The following FBXL7 variants were observed in gnomAD, a reference collection of about 807,000 sequenced individuals.
FBXL7 encodes the protein F-box and leucine rich repeat protein 7.
In FBXL7, 12 loss-of-function variants were observed where a neutral mutation model predicts 38.3. That is an observed-to-expected ratio of 0.31 (90% CI 0.20 to 0.51). The LOEUF (loss-of-function observed/expected upper bound fraction) is 0.51. Ranked by LOEUF, FBXL7 falls within the 20% of genes least tolerant of loss-of-function variation. The pLI, the probability that FBXL7 is intolerant of heterozygous loss-of-function variation, is 0.98. For synonymous variants in FBXL7, 297 were observed against 300.9 expected (o/e 0.99, Z 0.13); for missense variants, 567 against 676.4 (o/e 0.84, Z 1.79).
chr5:15,730,879 T>A (rs1687007424), intron 2 of FBXL7, among the ~76,000 whole-genome samples: 1 of 152,234 alleles, frequency 6.6e-6, no homozygotes, highest in South Asian at 2.1e-4. Flanking sequence ...TAACACCCCA[T>A]AACCTTTAGT....
chr5:15,787,159 G>A (rs1737153056), intron 2 of FBXL7, among the ~76,000 whole-genome samples: 3 of 152,220 alleles, frequency 2.0e-5, no homozygotes, highest in Non-Finnish European at 4.4e-5. Context: ...CCCGGAAACT[G>A]TGAGAGAGTA....
chr5:15,794,849 C>A (rs908742118), intron 2 of FBXL7, among the ~76,000 whole-genome samples: 41 of 152,238 alleles, frequency 2.7e-4, no homozygotes, highest in African/African-American at 9.9e-4. Flanking sequence ...GCGAAAAAAA[C>A]AACACAAAAG....
At chr5:15,810,231 G>C (rs1737822968) in intron 2 of FBXL7, among the ~76,000 whole-genome samples, 1 of 151,852 alleles carries the variant, frequency 6.6e-6, no homozygotes, top group African/African-American at 2.4e-5. Context: ...ATAAACATGT[G>C]CCATTGAATA....
chr5:15,819,104 C>T (rs75545547), intron 2 of FBXL7, among the ~76,000 whole-genome samples: 2 of 152,240 alleles, frequency 1.3e-5, no homozygotes, highest in African/African-American at 2.4e-5. Context: ...CTGCAAAGAA[C>T]CAAATAGTAA....
Position 15,928,539 on chromosome 5 carries a change from G to A in FBXL7, c.739+38G>A. On this transcript the variant is annotated intron_variant, in intron 3 of 3. Coordinates refer to ENST00000504595, the MANE Select transcript of FBXL7 (RefSeq NM_012304.5). The surrounding 1 kb of genome is among the most constrained non-coding windows in gnomAD (Gnocchi z 4.0). ...TGACCTACCAGCTATGGGCCCTCCT[G>A]GTGCACCATCCTAAAACAGTGGGGA... 6.3e-7 allele frequency: 1 copy of A among 1,575,386 alleles called. No homozygotes were observed. Among genetic ancestry groups the A allele is most frequent in the Non-Finnish European group, 8.6e-7 (1 of 1,159,708 alleles).
At position 15,852,126 on chromosome 5, in the gene FBXL7, C is replaced by G. The variant is rs541412749; in HGVS notation, c.128-75764C>G. Among the ~76,000 whole-genome samples the G allele has an allele frequency of 9.2e-5, 14 of 152,126 alleles. 1 individual carries two copies. Among genetic ancestry groups the G allele is most frequent in the African/African-American group, 3.4e-4 (14 of 41,512 alleles). ...TCCTTCAGTACATGCTAGATCATAG[C>G]TGACTTGCACTATCCTTCCAAACTT... On this transcript the variant is annotated intron_variant, in intron 2 of 3. Coordinates refer to ENST00000504595, the MANE Select transcript of FBXL7 (RefSeq NM_012304.5).
chr5:15,782,837 A>C (rs1044696369), intron 2 of FBXL7, among the ~76,000 whole-genome samples: 1 of 152,142 alleles, frequency 6.6e-6, no homozygotes, highest in Non-Finnish European at 1.5e-5. Context: ...GGGTGGCCAA[A>C]GGGTGGGAGA....
At chr5:15,888,812 A>C (rs1740788182) in intron 2 of FBXL7, among the ~76,000 whole-genome samples, 1 of 152,168 alleles carries the variant, frequency 6.6e-6, no homozygotes. Flanking sequence ...CCTGATAATA[A>C]ATTTGGTGAA....
At chr5:15,555,485 T>C (rs1036942748) in intron 1 of FBXL7, among the ~76,000 whole-genome samples, 6 of 152,178 alleles carry the variant, frequency 3.9e-5, no homozygotes, top group African/African-American at 2.4e-5. Flanking sequence ...TTACCCGGCA[T>C]CCTGGGTTGG....
At chr5:15,912,622 C>T (rs1438401369) in intron 2 of FBXL7, among the ~76,000 whole-genome samples, 1 of 152,000 alleles carries the variant, frequency 6.6e-6, no homozygotes, top group African/African-American at 2.4e-5. Context: ...ATTTCCAAAA[C>T]ATTATTATTA....
chr5:15,850,696 G>A (rs949142702), intron 2 of FBXL7, among the ~76,000 whole-genome samples: 6 of 152,142 alleles, frequency 3.9e-5, no homozygotes, highest in African/African-American at 7.2e-5. Flanking sequence ...AATGTTGTCC[G>A]GACATGTTCC....
chr5:15,914,223 A>G (rs1362561772), intron 2 of FBXL7, among the ~76,000 whole-genome samples: 1 of 152,020 alleles, frequency 6.6e-6, no homozygotes, highest in Admixed American at 6.6e-5. Flanking sequence ...TGTCTCTACT[A>G]AACATACAAA....
chr5:15,612,495 G>A (rs902401130), intron 1 of FBXL7, among the ~76,000 whole-genome samples: 1 of 152,116 alleles, frequency 6.6e-6, no homozygotes, highest in South Asian at 2.1e-4. Flanking sequence ...GTCCTCACGT[G>A]TGTCTGAGAA....
chr5:15,678,083 T>G (rs1211226268), intron 2 of FBXL7, among the ~76,000 whole-genome samples: 1 of 152,154 alleles, frequency 6.6e-6, no homozygotes, highest in East Asian at 1.9e-4. Flanking sequence ...CTTTGCTGCC[T>G]CTGCTGAGGG....
At chr5:15,664,564 C>G (rs12055198) in intron 2 of FBXL7, among the ~76,000 whole-genome samples, 46,620 of 149,580 alleles carry the variant, frequency 0.31, 7,488 homozygotes, top group East Asian at 0.44. Context: ...CTCCGCCTCC[C>G]GGGTTCAAGT....
At chr5:15,715,506 A>AC (rs1446197146) in intron 2 of FBXL7, among the ~76,000 whole-genome samples, 1 of 151,728 alleles carries the variant, frequency 6.6e-6, no homozygotes, top group East Asian at 1.9e-4. Context: ...AAAAAAAAAA[A>AC]AAAAAAGTAG....
chr5:15,702,235 CAAA>C (rs34269968), intron 2 of FBXL7, among the ~76,000 whole-genome samples: 26 of 137,084 alleles, frequency 1.9e-4, no homozygotes, highest in Admixed American at 4.4e-4. Flanking sequence ...AGACTCCTCT[CAAA>C]AAAAAAAAAA....
At chr5:15,902,936 G>A (rs187424266) in intron 2 of FBXL7, among the ~76,000 whole-genome samples, 6 of 152,236 alleles carry the variant, frequency 3.9e-5, no homozygotes, top group Non-Finnish European at 5.9e-5. Context: ...GGCAAGCCCC[G>A]TGGGACTGAC....
chr5:15,747,884 C>T (rs1736055596), intron 2 of FBXL7, among the ~76,000 whole-genome samples: 1 of 152,152 alleles, frequency 6.6e-6, no homozygotes, highest in South Asian at 2.1e-4. Flanking sequence ...TGGACTATTG[C>T]CCAGCTAGAT....
Sources: allele counts gnomAD v4.1 joint callset (sites outside exome capture counted in the v4.1 genomes callset), GRCh38; gene constraint gnomAD v4.1.1; non-coding constraint Gnocchi (gnomAD v3.1); transcripts MANE v1.5; gene names NCBI Gene and HGNC (gene_info 2026-07-23, HGNC 2026-07-21).